Variants in DPH6 observed in about 807,000 individuals in gnomAD.
The protein encoded by DPH6 is diphthine--ammonia ligase.
DPH6 carries 33 observed loss-of-function variants against 38.2 expected under a neutral mutation model. The ratio of observed to expected loss-of-function variants is 0.86; its 90% confidence interval spans 0.65 to 1.15. DPH6 has a LOEUF of 1.15. DPH6 is among the 50% of genes most tolerant of loss of function. The pLI is 0.00. For synonymous variants in DPH6, 108 were observed against 103.0 expected, an observed-to-expected ratio of 1.05 and a Z score of -0.30; for missense variants, 325 against 320.0, an observed-to-expected ratio of 1.02 and a Z score of -0.12.
chr15:35,217,656 A>G (rs1251574250), exon 4 of DPH6: 1 of 152,250 alleles, frequency 6.6e-6, no homozygotes, highest in Admixed American at 6.5e-5. Flanking sequence ...CCGGCCACCA[A>G]TGTCCTTATT....
chr15:35,175,462 C>G, the DPH6 span, among the ~76,000 whole-genome samples: 1 of 152,200 alleles, frequency 6.6e-6, no homozygotes, highest in Admixed American at 6.5e-5. Context: ...AGAGTGGAAC[C>G]TAATTCCATA....
At chr15:35,476,187 T>C (rs1434904374) in intron 3 of DPH6, among the ~76,000 whole-genome samples, 4 of 151,906 alleles carry the variant, frequency 2.6e-5, no homozygotes, top group East Asian at 1.9e-4. Flanking sequence ...ACTAGGCATG[T>C]ATTTCTAACA....
At chr15:35,267,913 G>A (rs1262304150) in intron 3 of DPH6, among the ~76,000 whole-genome samples, 1 of 152,166 alleles carries the variant, frequency 6.6e-6, no homozygotes, top group Non-Finnish European at 1.5e-5. Context: ...GCTCACGTCT[G>A]TAATCCCAGC....
exon 4 of DPH6, chr15:35,219,425 A>G (rs1205086108): frequency 1.3e-5 from 2 of 152,164 alleles, no homozygotes; most frequent in Non-Finnish European, 2.9e-5. Flanking sequence ...TATATAGGAG[A>G]GCAGATATGG....
At chr15:35,471,449 C>T (rs1340771179) in intron 3 of DPH6, among the ~76,000 whole-genome samples, 1 of 152,156 alleles carries the variant, frequency 6.6e-6, no homozygotes, top group East Asian at 1.9e-4. Flanking sequence ...CTAATTACTT[C>T]TCCCTCCAAT....
At chr15:35,271,895 C>T (rs562280953) in intron 3 of DPH6, among the ~76,000 whole-genome samples, 1 of 152,224 alleles carries the variant, frequency 6.6e-6, no homozygotes, top group East Asian at 1.9e-4. Context: ...TATAACCACA[C>T]AGCTGTGTTT....
At chr15:35,284,751 A>AG (rs1171269981) in intron 3 of DPH6, among the ~76,000 whole-genome samples, 2 of 149,866 alleles carry the variant, frequency 1.3e-5, no homozygotes, top group African/African-American at 4.9e-5. Context: ...TAAAAAAAAA[A>AG]GCAAACCTAT....
the DPH6 span, among the ~76,000 whole-genome samples, chr15:35,146,360 G>C: frequency 6.6e-6 from 1 of 151,994 alleles, no homozygotes; most frequent in African/African-American, 2.4e-5. Flanking sequence ...TTTCTTTGCT[G>C]AATGTTATGG....
chr15:35,161,540 T>C, the DPH6 span, among the ~76,000 whole-genome samples: 1 of 151,920 alleles, frequency 6.6e-6, no homozygotes, highest in Non-Finnish European at 1.5e-5. Context: ...CCCAAGTTCA[T>C]ATGTTGAAAC....
At chr15:35,230,045 C>T (rs911998001) in intron 3 of DPH6, among the ~76,000 whole-genome samples, 5 of 152,182 alleles carry the variant, frequency 3.3e-5, no homozygotes, top group African/African-American at 1.2e-4. Context: ...TCCCTGGCTA[C>T]CACCTATGGT....
intron 3 of DPH6, among the ~76,000 whole-genome samples, chr15:35,288,927 T>C (rs2051961286): frequency 6.6e-6 from 1 of 152,276 alleles, no homozygotes; most frequent in Non-Finnish European, 1.5e-5. Flanking sequence ...TTACATCAGC[T>C]GAGCTTTTTA....
At chr15:35,246,830 C>T (rs1204579474) in intron 3 of DPH6, among the ~76,000 whole-genome samples, 4 of 152,106 alleles carry the variant, frequency 2.6e-5, no homozygotes, top group Non-Finnish European at 5.9e-5. Context: ...TTGGCCTGGT[C>T]CATACTTTAC....
At chr15:35,354,175 T>C (rs924921269) in intron 3 of DPH6, among the ~76,000 whole-genome samples, 28 of 152,178 alleles carry the variant, frequency 1.8e-4, no homozygotes, top group Non-Finnish European at 1.3e-4. Flanking sequence ...TTAAGGAGAT[T>C]TTGGGCTGAC....
intron 3 of DPH6, among the ~76,000 whole-genome samples, chr15:35,313,982 A>G (rs2052166128): frequency 6.6e-6 from 1 of 152,202 alleles, no homozygotes; most frequent in South Asian, 2.1e-4. Context: ...TGCACAGCAA[A>G]GACAACAATC....
chr15:35,237,438 C>T (rs2051561246), intron 3 of DPH6: 1 of 1,604,940 alleles, frequency 6.2e-7, no homozygotes, highest in Admixed American at 1.7e-5. Flanking sequence ...GAAGGCCTCA[C>T]AGATGAATCT....
At chr15:35,485,487 T>C (rs2054385171) in intron 3 of DPH6, among the ~76,000 whole-genome samples, 1 of 152,224 alleles carries the variant, frequency 6.6e-6, no homozygotes, top group Non-Finnish European at 1.5e-5. Context: ...GCATGGATTA[T>C]CTTCTGATAT....
intron 3 of DPH6, among the ~76,000 whole-genome samples, chr15:35,515,243 C>T (rs558592433): frequency 3.9e-5 from 6 of 152,056 alleles, no homozygotes; most frequent in African/African-American, 1.4e-4. Flanking sequence ...TCCTCTCTTT[C>T]ATTCATCATT....
At chr15:35,180,651 T>G in the DPH6 span, among the ~76,000 whole-genome samples, 3 of 152,232 alleles carry the variant, frequency 2.0e-5, no homozygotes, top group East Asian at 5.8e-4. Context: ...CTTTTTTCTT[T>G]CTTTCTTTTG....
intron 3 of DPH6, among the ~76,000 whole-genome samples, chr15:35,342,437 G>C (rs1276017495): frequency 1.3e-5 from 2 of 152,190 alleles, no homozygotes; most frequent in Admixed American, 6.5e-5. Context: ...GCTCCATGCT[G>C]CTCCCGGGTG....
Sources: gnomAD v4.1 joint callset for allele counts (sites outside exome capture counted in the v4.1 genomes callset) on GRCh38, gnomAD v4.1.1 for gene constraint, MANE v1.5 for transcripts, NCBI Gene and HGNC (gene_info 2026-07-23, HGNC 2026-07-21) for gene names.